IL1RAPL1: variants seen among roughly 807,000 people sequenced by gnomAD.
IL1RAPL1 encodes interleukin-1 receptor accessory protein-like 1.
Under a neutral mutation model 48.4 loss-of-function variants are expected in IL1RAPL1, and 3 were observed. The ratio of observed to expected loss-of-function variants is 0.06; its 90% CI spans 0.03 to 0.16. The LOEUF (loss-of-function observed/expected upper bound fraction) is 0.16. Among genes scored for constraint, IL1RAPL1 ranks in the 10% least tolerant of loss-of-function variants. IL1RAPL1 has a pLI of 1.00. For missense variants in IL1RAPL1, 349 were observed against 530.6 expected (o/e 0.66, Z 3.36); for synonymous variants, 185 against 187.7 (o/e 0.99, Z 0.12).
At chrX:28,841,436 T>C (rs1921369047) in intron 2 of IL1RAPL1, among the ~76,000 whole-genome samples, 2 of 111,197 alleles carry the variant, frequency 1.8e-5, no homozygotes. Context: ...ATAAAGTTAG[T>C]AGAAGAAAAA....
At chrX:29,631,581 C>T (rs761010098) in intron 5 of IL1RAPL1, among the ~76,000 whole-genome samples, 1 of 112,332 alleles carries the variant, frequency 8.9e-6, no homozygotes, top group South Asian at 3.7e-4. Flanking sequence ...CATACCTGGC[C>T]TCAACATGAT....
intron 2 of IL1RAPL1, among the ~76,000 whole-genome samples, chrX:28,843,338 T>C (rs1164321339): frequency 3.6e-5 from 4 of 110,611 alleles, no homozygotes; most frequent in Non-Finnish European, 5.7e-5. Context: ...TTCTATACCA[T>C]AAAGAAAAAA....
chrX:29,026,829 G>A (rs1926496899), intron 2 of IL1RAPL1, among the ~76,000 whole-genome samples: 1 of 111,643 alleles, frequency 9.0e-6, no homozygotes, highest in African/African-American at 3.3e-5. Flanking sequence ...GGATAAATAG[G>A]AGTAGAGATG....
chrX:29,944,821 A>G (rs1400028569), intron 9 of IL1RAPL1, among the ~76,000 whole-genome samples: 3 of 111,246 alleles, frequency 2.7e-5, no homozygotes, highest in Admixed American at 1.9e-4. Context: ...CTGAAGGCGT[A>G]GATCCTTGTC....
rs1936096759 is a variant in IL1RAPL1, at chrX:28,755,551, T to C, written c.-24-33769T>C. 2.7e-5 allele frequency among the ~76,000 whole-genome samples: 3 copies of C among 111,922 alleles called. No homozygotes were observed. In the South Asian group the frequency reaches 1.1e-3, roughly 42 times the overall value. ...ACTGGACACTAAATATTAGAAAACA[T>C]ACATAGTTCCTTCATTTGTAACACA... On this transcript the variant is annotated intron_variant, in intron 1 of 10. Coordinates refer to ENST00000378993, the MANE Select transcript of IL1RAPL1 (RefSeq NM_014271.4).
intron 6 of IL1RAPL1, among the ~76,000 whole-genome samples, chrX:29,736,687 G>A (rs944396140): frequency 9.0e-6 from 1 of 110,958 alleles, no homozygotes; most frequent in East Asian, 2.9e-4. Context: ...GATCGTGCCA[G>A]TGCACTCCAG....
At chrX:29,780,096 G>A (rs747378582) in intron 6 of IL1RAPL1, among the ~76,000 whole-genome samples, 5 of 111,238 alleles carry the variant, frequency 4.5e-5, no homozygotes, top group Admixed American at 1.9e-4. Flanking sequence ...AATCTACACG[G>A]ATCCCCCTCA....
intron 5 of IL1RAPL1, among the ~76,000 whole-genome samples, chrX:29,599,781 A>T (rs1403275624): frequency 8.9e-6 from 1 of 111,777 alleles, no homozygotes; most frequent in East Asian, 2.8e-4. Context: ...CAAGCTCTGA[A>T]GTTCTTTCTT....
At chrX:29,134,497 G>A (rs1398269276) in intron 2 of IL1RAPL1, among the ~76,000 whole-genome samples, 1 of 111,614 alleles carries the variant, frequency 9.0e-6, no homozygotes, top group Non-Finnish European at 1.9e-5. Context: ...GGTTAAATGG[G>A]ATCATTACCC....
chrX:28,811,771 A>G (rs763269361), intron 2 of IL1RAPL1, among the ~76,000 whole-genome samples: 1 of 111,367 alleles, frequency 9.0e-6, no homozygotes, highest in South Asian at 3.7e-4. Context: ...GATGTGCAAG[A>G]CTTAAGGTAA....
intron 8 of IL1RAPL1, among the ~76,000 whole-genome samples, chrX:29,937,590 C>T (rs776877535): frequency 8.9e-6 from 1 of 111,994 alleles, no homozygotes; most frequent in South Asian, 3.7e-4. Flanking sequence ...GCTATATAAA[C>T]CAGTGTGACT....
chrX:29,282,080 C>G (rs1300371042), intron 2 of IL1RAPL1, among the ~76,000 whole-genome samples: 2 of 111,193 alleles, frequency 1.8e-5, no homozygotes, highest in African/African-American at 6.5e-5. Flanking sequence ...TCATCTAACC[C>G]TAATTACCTC....
chrX:29,348,227 G>A (rs1001800663), intron 3 of IL1RAPL1, among the ~76,000 whole-genome samples: 2 of 111,929 alleles, frequency 1.8e-5, no homozygotes, highest in Admixed American at 9.5e-5. Context: ...ATGTCTTAGA[G>A]TAACAAGGTA....
chrX:29,821,224 C>A (rs1377905897), intron 6 of IL1RAPL1, among the ~76,000 whole-genome samples: 3 of 110,849 alleles, frequency 2.7e-5, no homozygotes, highest in Admixed American at 1.9e-4. Flanking sequence ...CCGAGGCAGG[C>A]GGATCACGAG....
chrX:28,979,818 G>A (rs1180034902), intron 2 of IL1RAPL1, among the ~76,000 whole-genome samples: 1 of 111,767 alleles, frequency 8.9e-6, no homozygotes, highest in African/African-American at 3.2e-5. Context: ...AATGCAGTAT[G>A]TTGATTTTTT....
chrX:29,802,943 G>GTGTACATA (rs1569173190), intron 6 of IL1RAPL1, among the ~76,000 whole-genome samples: 5 of 76,119 alleles, frequency 6.6e-5, no homozygotes, highest in South Asian at 5.9e-4. Context: ...GTGTACATAT[G>GTGTACATA]TATGCATATA....
At chrX:29,490,225 G>A (rs1370987289) in intron 5 of IL1RAPL1, among the ~76,000 whole-genome samples, 1 of 110,941 alleles carries the variant, frequency 9.0e-6, no homozygotes. Flanking sequence ...TAAAAAAAAA[G>A]CCATAAAAAG....
chrX:28,775,158 T>G (rs1358926567), intron 1 of IL1RAPL1, among the ~76,000 whole-genome samples: 1 of 112,147 alleles, frequency 8.9e-6, no homozygotes. Context: ...AGTACTTGTA[T>G]TTGTCTCCTA....
intron 6 of IL1RAPL1, among the ~76,000 whole-genome samples, chrX:29,827,037 G>A (rs1053663857): frequency 8.9e-6 from 1 of 111,893 alleles, no homozygotes; most frequent in African/African-American, 3.3e-5. Context: ...CTGTCTTTTT[G>A]ACTACTGTCA....
Sources: gnomAD v4.1 joint callset for allele counts (sites outside exome capture counted in the v4.1 genomes callset) on GRCh38, gnomAD v4.1.1 for gene constraint, MANE v1.5 for transcripts, NCBI Gene and HGNC (gene_info 2026-07-23, HGNC 2026-07-21) for gene names.